The following RNF216 variants were observed in gnomAD, a reference collection of about 807,000 sequenced individuals.
RNF216 encodes the protein E3 ubiquitin-protein ligase RNF216.
RNF216 carries 72 observed loss-of-function variants against 110.8 expected under a neutral mutation model. The observed-to-expected ratio is 0.65, with a 90% CI of 0.54 to 0.79. The LOEUF is 0.79. Among genes scored for constraint, RNF216 ranks in the 30% least tolerant of loss-of-function variants. The pLI, the probability that RNF216 is intolerant of heterozygous loss-of-function variation, is 0.00. For synonymous variants in RNF216, 495 were observed against 407.5 expected (o/e 1.21, Z -2.59); for missense variants, 1,342 against 1,141.2 (o/e 1.18, Z -2.54).
intron 8 of RNF216, among the ~76,000 whole-genome samples, chr7:5,723,024 G>C (rs996806737): frequency 3.9e-5 from 6 of 152,258 alleles, no homozygotes; most frequent in Admixed American, 2.6e-4. Flanking sequence ...TAGACAGTAA[G>C]CTTTGAAGCC....
At chr7:5,667,310 T>C (rs1789593290) in intron 13 of RNF216, among the ~76,000 whole-genome samples, 1 of 152,194 alleles carries the variant, frequency 6.6e-6, no homozygotes, top group Non-Finnish European at 1.5e-5. Context: ...TTTCTTACTA[T>C]AGGTCACAAA....
intron 13 of RNF216, among the ~76,000 whole-genome samples, chr7:5,660,548 C>T (rs1789049637): frequency 6.6e-6 from 1 of 151,894 alleles, no homozygotes; most frequent in Admixed American, 6.6e-5. Flanking sequence ...TCTCGGCCTC[C>T]CAAAGTGGTG....
chr7:5,711,626 T>C (rs1792696583), intron 13 of RNF216, 135 bp downstream of exon 13: 1 of 712,446 alleles, frequency 1.4e-6, no homozygotes, highest in Admixed American at 2.6e-5. Context: ...CTCGTCCTCA[T>C]TTGCTTATGA....
intron 4 of RNF216, 39 bp from the exon 5 acceptor site, chr7:5,739,391 T>G (rs763284593): frequency 7.0e-6 from 11 of 1,563,940 alleles, no homozygotes; most frequent in Admixed American, 3.7e-5. Flanking sequence ...TTTCATTCAC[T>G]AGAATGGTTT....
intron 13 of RNF216, among the ~76,000 whole-genome samples, chr7:5,688,601 AG>A (rs1791131112): frequency 1.2e-4 from 19 of 152,224 alleles, no homozygotes; most frequent in Admixed American, 1.2e-3. Flanking sequence ...TGTATTTACC[AG>A]CTTTATCCTT....
intron 13 of RNF216, among the ~76,000 whole-genome samples, chr7:5,662,107 CA>C (rs1474288803): frequency 6.6e-6 from 1 of 152,194 alleles, no homozygotes; most frequent in Non-Finnish European, 1.5e-5. Flanking sequence ...CATGGCCGTG[CA>C]GCTGCAGCTG....
At chr7:5,737,106 G>C (rs1053074138) in intron 5 of RNF216, among the ~76,000 whole-genome samples, 2 of 152,264 alleles carry the variant, frequency 1.3e-5, no homozygotes, top group South Asian at 2.1e-4. Flanking sequence ...GGAAAAGATA[G>C]AGAAATCAGA....
At chr7:5,633,203 T>C (rs1787183827) in intron 15 of RNF216, among the ~76,000 whole-genome samples, 1 of 151,772 alleles carries the variant, frequency 6.6e-6, no homozygotes, top group African/African-American at 2.4e-5. Context: ...GGTCTCGAAC[T>C]CCTGACCTTG....
chr7:5,713,629 T>G (rs1003409732), intron 11 of RNF216, among the ~76,000 whole-genome samples: 1 of 152,202 alleles, frequency 6.6e-6, no homozygotes, highest in African/African-American at 2.4e-5. Context: ...TCAAACTCAC[T>G]GGTCTATAAG....
intron 13 of RNF216, among the ~76,000 whole-genome samples, chr7:5,701,650 C>A (rs920000319): frequency 7.2e-5 from 11 of 152,146 alleles, no homozygotes; most frequent in African/African-American, 2.4e-5. Context: ...AGTGGAGGAG[C>A]TAGAATTAAA....
At chr7:5,748,223 T>C (rs1272569331) in intron 3 of RNF216, among the ~76,000 whole-genome samples, 1 of 152,206 alleles carries the variant, frequency 6.6e-6, no homozygotes, top group Non-Finnish European at 1.5e-5. Context: ...TGCCAGCTTA[T>C]AGAGGCTGCA....
intron 15 of RNF216, among the ~76,000 whole-genome samples, chr7:5,626,509 G>A (rs1288040700): frequency 6.6e-6 from 1 of 151,936 alleles, no homozygotes; most frequent in Non-Finnish European, 1.5e-5. Flanking sequence ...TTGGGCCCAG[G>A]AGTTTGAGAC....
At chr7:5,649,749 A>C (rs1206024036) in intron 14 of RNF216, 1 of 152,264 alleles carries the variant, frequency 6.6e-6, no homozygotes, top group African/African-American at 2.4e-5. Flanking sequence ...CTTGTACAGA[A>C]GAATGGCTCT....
intron 13 of RNF216, among the ~76,000 whole-genome samples, chr7:5,682,627 G>C (rs959828826): frequency 6.6e-6 from 1 of 152,040 alleles, no homozygotes; most frequent in Non-Finnish European, 1.5e-5. Flanking sequence ...GGCTGATCTT[G>C]AACTCCTGAC....
chr7:5,651,338 T>A (rs1194063848), intron 14 of RNF216, among the ~76,000 whole-genome samples: 1 of 152,080 alleles, frequency 6.6e-6, no homozygotes, highest in Non-Finnish European at 1.5e-5. Context: ...GCAATTCTCT[T>A]GCCTTAGCCT....
intron 13 of RNF216, among the ~76,000 whole-genome samples, chr7:5,689,573 A>C (rs1273461058): frequency 1.3e-5 from 2 of 151,920 alleles, no homozygotes; most frequent in Non-Finnish European, 2.9e-5. Flanking sequence ...ACTTCCTACA[A>C]GTTTTTAAAG....
At chr7:5,670,867 T>C (rs1789863081) in intron 13 of RNF216, among the ~76,000 whole-genome samples, 1 of 152,094 alleles carries the variant, frequency 6.6e-6, no homozygotes, top group Non-Finnish European at 1.5e-5. Flanking sequence ...TCTGTAGCCT[T>C]TTTCAGGGGT....
intron 13 of RNF216, among the ~76,000 whole-genome samples, chr7:5,672,905 G>A (rs1330326197): frequency 1.3e-5 from 2 of 152,156 alleles, no homozygotes; most frequent in African/African-American, 2.4e-5. Flanking sequence ...GGATTCTATC[G>A]TTTGACCAAG....
intron 2 of RNF216, among the ~76,000 whole-genome samples, chr7:5,759,844 G>T (rs1795840742): frequency 6.6e-6 from 1 of 151,940 alleles, no homozygotes; most frequent in Admixed American, 6.6e-5. Context: ...TGTTGGTCAG[G>T]CTGGTCTCGA....
Sources: gnomAD v4.1 joint callset for allele counts (sites outside exome capture counted in the v4.1 genomes callset) on GRCh38, gnomAD v4.1.1 for gene constraint, MANE v1.5 for transcripts, NCBI Gene and HGNC (gene_info 2026-07-23, HGNC 2026-07-21) for gene names.